MAP3K10: variants seen among roughly 807,000 people sequenced by gnomAD.
MAP3K10 encodes the protein MKN28 derived nonreceptor_type serine/threonine kinase.
Under a neutral mutation model 75.0 loss-of-function variants are expected in MAP3K10, and 22 were observed. The observed-to-expected ratio is 0.29, with a 90% CI of 0.21 to 0.42. The LOEUF (loss-of-function observed/expected upper bound fraction) is 0.42, where lower values mean the gene tolerates loss of function less well. Ranked by LOEUF, MAP3K10 falls within the 10% of genes least tolerant of loss-of-function variation. The pLI, the probability that MAP3K10 is intolerant of heterozygous loss-of-function variation, is 1.00. For synonymous variants in MAP3K10, 599 were observed against 612.9 expected (o/e 0.98, Z 0.34); for missense variants, 1,165 against 1,379.8 (o/e 0.84, Z 2.47).
Position 40,191,861 on chromosome 19 carries a change from C to G in MAP3K10, c.-171C>G. ...CCAAATCGGAAGGGACGAGCCTGCC[C>G]TTTGAAAGGGTTTTTTTTCTTGCTC... On this transcript the variant is annotated 5_prime_UTR_variant, in exon 1 of 10. Coordinates refer to ENST00000253055, the MANE Select transcript of MAP3K10 (RefSeq NM_002446.4). 4.4e-6 allele frequency: 2 copies of G among 449,666 alleles called. No homozygotes were observed. Among genetic ancestry groups the G allele is most frequent in the Non-Finnish European group, 7.8e-6 (2 of 257,772 alleles). The allele number at this position is 449,666 out of a possible 1,614,324, so 27.9% of individuals were successfully genotyped here.
intron 9 of MAP3K10, among the ~76,000 whole-genome samples, chr19:40,214,584 T>G (rs1351647797): frequency 6.6e-6 from 1 of 152,124 alleles, no homozygotes; most frequent in African/African-American, 2.4e-5. Flanking sequence ...GCTGCTTGTT[T>G]TAAGTTATGG....
At chr19:40,196,877 A>C (rs766704027) in intron 1 of MAP3K10, among the ~76,000 whole-genome samples, 3 of 152,148 alleles carry the variant, frequency 2.0e-5, no homozygotes, top group Non-Finnish European at 2.9e-5. Flanking sequence ...TCATGAGTCA[A>C]TTCCTATAGA....
At chr19:40,193,583 GAC>G (rs1190482665) in intron 1 of MAP3K10, among the ~76,000 whole-genome samples, 2 of 152,138 alleles carry the variant, frequency 1.3e-5, no homozygotes, top group Admixed American at 1.3e-4. Flanking sequence ...TTTCTGCCCT[GAC>G]AGTACTCACA....
intron 9 of MAP3K10, among the ~76,000 whole-genome samples, chr19:40,214,678 T>C (rs1973317166): frequency 1.3e-5 from 2 of 152,150 alleles, no homozygotes; most frequent in Admixed American, 6.5e-5. Flanking sequence ...CTTAGCCCAG[T>C]GCAGGAGAGT....
intron 5 of MAP3K10, 141 bp downstream of exon 5, chr19:40,206,298 T>C: frequency 2.9e-6 from 3 of 1,032,518 alleles, no homozygotes; most frequent in Non-Finnish European, 4.0e-6. Context: ...CCCAGTGCAG[T>C]GGCGAGCACT....
In MAP3K10 at chr19:40,198,424, C is replaced by T; in HGVS notation, c.732C>T (p.Leu244=). 1 of 1,614,152 alleles carries T rather than the reference C, an allele frequency of 6.2e-7. No homozygotes were observed. The highest frequency in any genetic ancestry group is 8.5e-7 in the Non-Finnish European group (1 of 1,180,038). Residue 244 remains leucine, a synonymous_variant, in exon 2 of 10, where the codon CTC becomes CTT. Coordinates refer to ENST00000253055, the MANE Select transcript of MAP3K10 (RefSeq NM_002446.4). This position sits in a 1 kb window ranked among gnomAD's most constrained non-coding sequence, Gnocchi z 4.3. ...IENHNLADTV[L]KITDFGLARE... is the part of the protein sequence containing the mutation. ...ACCACAACCTCGCAGACACGGTGCTCAAGATCACGGACTTCGGCCTCGCCC... is the reference window on the plus strand; with the variant it reads ...ACCACAACCTCGCAGACACGGTGCTTAAGATCACGGACTTCGGCCTCGCCC...
In MAP3K10 at chr19:40,212,713, G is replaced by A. The variant is rs992925998; in HGVS notation, c.1553-92G>A. 1.9e-5 allele frequency: 29 copies of A among 1,497,558 alleles called. No individual in the cohort carries two copies. The highest frequency in any genetic ancestry group is 2.4e-4 in the Middle Eastern group (1 of 4,172). The allele number at this position is 1,497,558 out of a possible 1,614,324, so 92.8% of individuals were successfully genotyped here. ...CAAAAGAGCCCTTGGACTCCCAGGC[G>A]GAGGGTGGGCCTGAGCTGGGGGCAC... On this transcript the variant is annotated intron_variant, in intron 6 of 9. Transcript: ENST00000253055. The surrounding 1 kb of genome is among the most constrained non-coding windows in gnomAD (Gnocchi z 4.2).
chr19:40,201,199 G>T (rs1973012616), intron 2 of MAP3K10, among the ~76,000 whole-genome samples: 1 of 147,566 alleles, frequency 6.8e-6, no homozygotes, highest in Non-Finnish European at 1.5e-5. Flanking sequence ...TTGAGCTGGA[G>T]TCTTGCTCTG....
In MAP3K10 at chr19:40,205,983, C is replaced by T. The variant is rs1973112884; in HGVS notation, c.1261C>T (p.Arg421Trp). Residue 421 changes from arginine (R) to tryptophan (W), a missense_variant, in exon 5 of 10, where the codon CGG becomes TGG. Arg to Trp is a moderately radical substitution (Grantham distance 101). Around this residue, in one of 2 missense-constraint regions of MAP3K10, gnomAD observed 575 missense variants for 793.2 expected, o/e 0.72. Coordinates refer to ENST00000253055, the MANE Select transcript of MAP3K10 (RefSeq NM_002446.4). This position sits in a 1 kb window ranked among gnomAD's most constrained non-coding sequence, Gnocchi z 4.3. The stretch of plus-strand genomic sequence containing the variant: ...GCGCTTCCAGGAGGAGCAGCTGCGG[C>T]GGCGGGAGCAGGAGCTGGCAGAACG... ...EQRFQEEQLR[R>W]REQELAEREM... 1 of 1,610,344 alleles carries T rather than the reference C, an allele frequency of 6.2e-7. No individual in the cohort carries two copies. Among genetic ancestry groups the T allele is most frequent in the Non-Finnish European group, 8.5e-7 (1 of 1,178,192 alleles).
rs1415181611 is a variant in MAP3K10 at position 40,212,204 on chromosome 19, T to A, written c.1553-601T>A. ...ACTTGGAAGGGACAGATGTCCACAG[T>A]CGGGGCTATATGGCAGAGACACGGT... is the stretch of plus-strand genomic sequence containing the variant. On this transcript the variant is annotated intron_variant, in intron 6 of 9. Coordinates refer to ENST00000253055, the MANE Select transcript of MAP3K10 (RefSeq NM_002446.4). The surrounding 1 kb of genome is among the most constrained non-coding windows in gnomAD (Gnocchi z 4.2). Among the ~76,000 whole-genome samples the A allele has an allele frequency of 6.6e-6, 1 of 152,142 alleles. No individual in the cohort carries two copies. Among genetic ancestry groups the A allele is most frequent in the Non-Finnish European group, 1.5e-5 (1 of 68,028 alleles).
chr19:40,205,928 G>A lies in MAP3K10; in HGVS notation c.1206G>A (p.Glu402=), dbSNP rs539418221. 12 of 1,578,774 alleles carry A rather than the reference G, an allele frequency of 7.6e-6. No individual in the cohort carries two copies. The highest frequency in any genetic ancestry group is 1.2e-5 in the South Asian group (1 of 86,770). The change falls in exon 5 of 10, where the codon GAG becomes GAA. Residue 402 remains glutamate, a synonymous_variant. Coordinates refer to ENST00000253055, the MANE Select transcript of MAP3K10 (RefSeq NM_002446.4). The surrounding 1 kb of genome is among the most constrained non-coding windows in gnomAD (Gnocchi z 4.3). ...CTTCCCAGGAGCTTCGGAGCCGTGA[G>A]GAGGAGCTGCTGCGGGCGGCACAGG... ...RTKEKELRSR[E]EELLRAAQEQ...
In MAP3K10 at chr19:40,191,442, C is replaced by G. The variant is rs1972808219; in HGVS notation, c.-590C>G. 1.3e-5 allele frequency among the ~76,000 whole-genome samples: 2 copies of G among 151,746 alleles called. No individual in the cohort carries two copies. Among genetic ancestry groups the G allele is most frequent in the African/African-American group, 4.8e-5 (2 of 41,388 alleles). On this transcript the variant is annotated 5_prime_UTR_variant, in exon 1 of 10. Transcript: ENST00000253055. ...CGCCCACACGTCACTCGGGCCCCGC[C>G]GGTGGCCCGGGGAAGCAGCACGGGC... is the stretch of plus-strand genomic sequence containing the variant.
intron 5 of MAP3K10, among the ~76,000 whole-genome samples, chr19:40,208,439 G>A (rs1377815991): frequency 7.2e-6 from 1 of 139,470 alleles, no homozygotes; most frequent in African/African-American, 2.6e-5. Context: ...CTCGTGATCC[G>A]CCTGCCTCGG....
intron 5 of MAP3K10, among the ~76,000 whole-genome samples, chr19:40,207,786 A>G (rs1219713909): frequency 6.6e-6 from 1 of 152,358 alleles, no homozygotes; most frequent in Non-Finnish European, 1.5e-5. Context: ...TGCAATCAAT[A>G]CAAAATAATT....
chr19:40,213,853 C>T lies in MAP3K10; in HGVS notation c.2174C>T (p.Ala725Val). The part of the protein sequence containing the change: ...GRFPRGLSPP[A>V]RPHGRREDVG... ...TTCCCGCGGGGCCTCAGCCCACCCG[C>T]GCGTCCCCACGGCCGCCGCGAAGAC... The change falls in exon 9 of 10, where the codon GCG becomes GTG. Residue 725 changes from alanine to valine, a missense_variant. By Grantham distance (64) the Ala-to-Val change is moderately conservative (BLOSUM62 0). Coordinates refer to ENST00000253055, the MANE Select transcript of MAP3K10 (RefSeq NM_002446.4). The surrounding 1 kb of genome is among the most constrained non-coding windows in gnomAD (Gnocchi z 5.7). 2 of 1,384,558 alleles carry T rather than the reference C, an allele frequency of 1.4e-6. No individual in the cohort carries two copies. Among genetic ancestry groups the T allele is most frequent in the Non-Finnish European group, 1.9e-6 (2 of 1,074,842 alleles). 85.8% of individuals were successfully genotyped at this position (1,384,558 alleles called of 1,614,324 possible).
At chr19:40,199,906 C>G (rs1264881004) in intron 2 of MAP3K10, among the ~76,000 whole-genome samples, 1 of 152,238 alleles carries the variant, frequency 6.6e-6, no homozygotes, top group Non-Finnish European at 1.5e-5. Flanking sequence ...CGCCTGTAAT[C>G]CCAGCACTTT....
At position 40,213,646 on chromosome 19, in the gene MAP3K10, C is replaced by T. The variant is rs766317027; in HGVS notation, c.1967C>T (p.Pro656Leu). The T allele has an allele frequency of 1.3e-4, 182 of 1,363,520 alleles. 1 individual carries two copies. Among genetic ancestry groups the T allele is most frequent in the Middle Eastern group, 2.1e-4 (1 of 4,816 alleles). The allele number at this position is 1,363,520 out of a possible 1,614,324, so 84.5% of individuals were successfully genotyped here. A position where few individuals can be genotyped will look rare whatever the true frequency, so the allele number is the denominator to read the frequency against. ...GCGCGGGCGCCGTGGGAGCCGACGC[C>T]GTCCGCGCCCCCCGCTCGGTGGGGA... ...PGARAPWEPT[P>L]SAPPARWGHG... Residue 656 changes from proline to leucine, a missense_variant, in exon 9 of 10, where the codon CCG (proline) becomes CTG (leucine). Coordinates refer to ENST00000253055, the MANE Select transcript of MAP3K10 (RefSeq NM_002446.4). This position sits in a 1 kb window ranked among gnomAD's most constrained non-coding sequence, Gnocchi z 5.7.
Position 40,213,766 on chromosome 19 carries a change from C to CGGCCGACGGTGAGGA in MAP3K10, c.2089_2103dup (p.Ala697_Glu701dup), listed in dbSNP as rs1654762518. 8.7e-7 allele frequency: 1 copy of CGGCCGACGGTGAGGA among 1,143,436 alleles called. No homozygotes were observed. Among genetic ancestry groups the CGGCCGACGGTGAGGA allele is most frequent in the Non-Finnish European group, 1.1e-6 (1 of 928,288 alleles). 70.8% of individuals were successfully genotyped at this position (1,143,436 alleles called of 1,614,324 possible). ...GGCGCCGACGTGGCCGAGGCGCGCG[C>CGGCCGACGGTGAGGA]GGCCGACGGTGAGGAGCAGCGGCGC... On this transcript the variant is annotated inframe_insertion, in exon 9 of 10. Transcript: ENST00000253055. The surrounding 1 kb of genome is among the most constrained non-coding windows in gnomAD (Gnocchi z 5.7).
chr19:40,194,528 T>A (rs531402798), intron 1 of MAP3K10, among the ~76,000 whole-genome samples: 2 of 152,270 alleles, frequency 1.3e-5, no homozygotes, highest in South Asian at 4.1e-4. Flanking sequence ...CTCTGCTGAT[T>A]GACAGCACGC....
Sources: gnomAD v4.1 joint callset for allele counts (sites outside exome capture counted in the v4.1 genomes callset) on GRCh38, gnomAD v4.1.1 for gene constraint, gnomAD v4.1.1 regional missense constraint, Gnocchi (gnomAD v3.1) non-coding constraint, MANE v1.5 for transcripts, NCBI Gene and HGNC (gene_info 2026-07-23, HGNC 2026-07-21) for gene names.